The following SRPK1 variants were observed in gnomAD, a reference collection of about 807,000 sequenced individuals.
SRPK1 encodes the protein SFRS protein kinase 1.
A neutral mutation model predicts 89.5 loss-of-function variants in SRPK1; 52 were observed. The ratio of observed to expected loss-of-function variants is 0.58; its 90% CI spans 0.46 to 0.73. The LOEUF is 0.73. SRPK1 is among the 30% of genes least tolerant of loss of function. SRPK1 has a pLI of 0.00. For missense variants in SRPK1, 603 were observed against 780.6 expected (o/e 0.77, Z 2.71); for synonymous variants, 255 against 270.2 (o/e 0.94, Z 0.55).
chr6:35,906,463 G>A (rs1416080855), intron 2 of SRPK1, among the ~76,000 whole-genome samples: 2 of 152,188 alleles, frequency 1.3e-5, no homozygotes, highest in Non-Finnish European at 2.9e-5. Flanking sequence ...GGCCTCAAAC[G>A]ATCCACCGGC....
intron 12 of SRPK1, among the ~76,000 whole-genome samples, chr6:35,867,853 A>G (rs1411897835): frequency 6.6e-6 from 1 of 152,236 alleles, no homozygotes; most frequent in East Asian, 1.9e-4. Context: ...TTAGATACAC[A>G]GTAAAAAACA....
chr6:35,850,070 G>A (rs954421796), intron 13 of SRPK1, among the ~76,000 whole-genome samples: 2 of 152,028 alleles, frequency 1.3e-5, no homozygotes, highest in East Asian at 3.8e-4. Flanking sequence ...GAAGATAATC[G>A]GGAGATGATT....
intron 4 of SRPK1, 148 bp from the exon 5 acceptor site, chr6:35,888,259 A>G (rs1770450035): frequency 2.1e-6 from 1 of 477,568 alleles, no homozygotes; most frequent in South Asian, 4.3e-5. Flanking sequence ...GAACATTTAT[A>G]CTTGTTAATG....
chr6:35,858,105 T>A (rs1247926933), intron 12 of SRPK1, among the ~76,000 whole-genome samples: 2 of 152,198 alleles, frequency 1.3e-5, no homozygotes, highest in Non-Finnish European at 2.9e-5. Flanking sequence ...CATTTATTTT[T>A]TATCATGGAA....
intron 5 of SRPK1, among the ~76,000 whole-genome samples, chr6:35,887,374 C>T (rs1770433398): frequency 6.6e-6 from 1 of 152,008 alleles, no homozygotes; most frequent in Admixed American, 6.6e-5. Flanking sequence ...AAAAAGAAAA[C>T]TACTGCCATA....
intron 6 of SRPK1, among the ~76,000 whole-genome samples, chr6:35,877,527 G>C (rs966991360): frequency 1.3e-5 from 2 of 152,120 alleles, no homozygotes; most frequent in African/African-American, 4.8e-5. Context: ...ATTAAGTAGA[G>C]ACATGAAAAG....
Position 35,855,497 on chromosome 6 carries a change from T to C in SRPK1, c.1620+1764A>G, listed in dbSNP as rs9368893. Among the ~76,000 whole-genome samples, 86 of 152,238 alleles carry C rather than the reference T, an allele frequency of 5.6e-4. No homozygotes were observed. The East Asian group carries it at 0.016, about 28-fold the overall frequency. ...CCTCTTTCTCAAGTTTTTCCCAGAG[T>C]TGCCTGTGAATATTAAATGTTACTT... On this transcript the variant is annotated intron_variant, in intron 13 of 15. Transcript: ENST00000373825.
chr6:35,917,727 C>A (rs140324693), intron 2 of SRPK1, among the ~76,000 whole-genome samples: 4 of 152,150 alleles, frequency 2.6e-5, no homozygotes, highest in Non-Finnish European at 5.9e-5. Flanking sequence ...TGACACAACA[C>A]GACTAAATTA....
chr6:35,839,183 C>G (rs763450513), intron 14 of SRPK1, among the ~76,000 whole-genome samples: 1 of 152,194 alleles, frequency 6.6e-6, no homozygotes, highest in Admixed American at 6.5e-5. Flanking sequence ...ACCTGGCTGA[C>G]TTAAAACATT....
intron 12 of SRPK1, among the ~76,000 whole-genome samples, chr6:35,860,392 G>C (rs1051167745): frequency 2.0e-5 from 3 of 152,194 alleles, no homozygotes; most frequent in Non-Finnish European, 2.9e-5. Context: ...GATTAATTCT[G>C]TTGTGATGTA....
chr6:35,921,096 G>A lies in SRPK1; in HGVS notation c.-40C>T, dbSNP rs563666155. On this transcript the variant is annotated 5_prime_UTR_variant, in exon 1 of 16. Transcript: ENST00000373825. Reference sequence around the variant, plus strand: ...TCGCCAGGCGCCTGCGCACTCGAGTGGCGGCGACTCCCGCTCCCGCCGCGG... The same window carrying A: ...TCGCCAGGCGCCTGCGCACTCGAGTAGCGGCGACTCCCGCTCCCGCCGCGG... 6 of 1,470,780 alleles carry A rather than the reference G, an allele frequency of 4.1e-6. No homozygotes were observed. Among genetic ancestry groups the A allele is most frequent in the Admixed American group, 2.3e-5 (1 of 42,772 alleles). The allele number at this position is 1,470,780 out of a possible 1,614,324, so 91.1% of individuals were successfully genotyped here. A position where few individuals can be genotyped will look rare whatever the true frequency, so the allele number is the denominator to read the frequency against.
At chr6:35,880,746 A>AAAAAAAAAAAAAAAAGAAAGAAAGAAAG (rs1770263877) in intron 6 of SRPK1, among the ~76,000 whole-genome samples, 1 of 89,228 alleles carries the variant, frequency 1.1e-5, no homozygotes, top group African/African-American at 4.5e-5. Context: ...AAAAAAAAAA[A>AAAAAAAAAAAAAAAAGAAAGAAAGAAAG]AAAAGAAAAG....
rs13191361 is a variant in SRPK1 at position 35,920,534 on chromosome 6, G to A, written c.14-6C>T. 1 of 1,612,962 alleles carries A rather than the reference G, an allele frequency of 6.2e-7. No homozygotes were observed. The highest frequency in any genetic ancestry group is 1.7e-5 in the Admixed American group (1 of 59,988). ...TCGGGCCTGGAGCGCAAGCACTGCA[G>A]GAGAGAGGGATGGATGAAGGGCGAA... On this transcript the variant is annotated splice_region_variant and splice_polypyrimidine_tract_variant and intron_variant, in intron 1 of 15. Transcript: ENST00000373825.
intron 12 of SRPK1, among the ~76,000 whole-genome samples, chr6:35,863,106 A>T (rs1442003663): frequency 6.6e-6 from 1 of 152,116 alleles, no homozygotes; most frequent in Non-Finnish European, 1.5e-5. Context: ...AGTTGTGATC[A>T]TACCACTGCA....
chr6:35,837,035 C>G (rs1053795500), intron 15 of SRPK1, among the ~76,000 whole-genome samples: 2 of 152,096 alleles, frequency 1.3e-5, no homozygotes, highest in Non-Finnish European at 1.5e-5. Flanking sequence ...AAAAAGGGAA[C>G]CATGGCACAA....
intron 13 of SRPK1, among the ~76,000 whole-genome samples, chr6:35,843,130 A>G (rs7741794): frequency 0.32 from 47,885 of 151,250 alleles, 7,770 homozygotes; most frequent in South Asian, 0.45. Flanking sequence ...CACCACGCCC[A>G]GCTAATTTTT....
At chr6:35,873,989 G>A (rs1047574780) in intron 7 of SRPK1, among the ~76,000 whole-genome samples, 3 of 151,424 alleles carry the variant, frequency 2.0e-5, no homozygotes, top group Admixed American at 6.6e-5. Flanking sequence ...CAAGACACCC[G>A]GCTAACTTTT....
At chr6:35,920,637 G>A in intron 1 of SRPK1, 109 bp from the exon 2 acceptor site, 1 of 941,900 alleles carries the variant, frequency 1.1e-6, no homozygotes, top group Non-Finnish European at 1.4e-6. Flanking sequence ...GCCTGCCTCG[G>A]GGGCGGCTGC....
At chr6:35,842,491 A>T (rs760353488) in intron 14 of SRPK1, 44 bp downstream of exon 14, 3 of 1,477,820 alleles carry the variant, frequency 2.0e-6, no homozygotes, top group African/African-American at 2.8e-5. Context: ...TAATGTGGAA[A>T]GTGTAAATAC....
Sources: allele counts gnomAD v4.1 joint callset (sites outside exome capture counted in the v4.1 genomes callset), GRCh38; gene constraint gnomAD v4.1.1; transcripts MANE v1.5; gene names NCBI Gene and HGNC (gene_info 2026-07-23, HGNC 2026-07-21).